GAREM1: variants seen among roughly 807,000 people sequenced by gnomAD.
GAREM1 encodes GRB2-associated and regulator of MAPK protein 1.
A neutral mutation model predicts 71.3 loss-of-function variants in GAREM1; 26 were observed. The ratio of observed to expected loss-of-function variants is 0.36; its 90% CI spans 0.27 to 0.51. The LOEUF is 0.51. Among genes scored for constraint, GAREM1 ranks in the 20% least tolerant of loss-of-function variants. The probability of loss-of-function intolerance (pLI) is 0.95; values close to 1 mark genes in which losing one functional copy is unlikely to be tolerated. For synonymous variants in GAREM1, 440 were observed against 433.2 expected, an observed-to-expected ratio of 1.02 and a Z score of -0.20; for missense variants, 1,026 against 1,103.1, an observed-to-expected ratio of 0.93 and a Z score of 0.99.
intron 2 of GAREM1, among the ~76,000 whole-genome samples, chr18:32,349,627 A>C (rs1598980702): frequency 6.6e-6 from 1 of 152,374 alleles, no homozygotes; most frequent in Non-Finnish European, 1.5e-5. Context: ...GATATAAAAT[A>C]AATACTTGCT....
intron 2 of GAREM1, among the ~76,000 whole-genome samples, chr18:32,318,510 G>A (rs565586908): frequency 3.3e-5 from 5 of 152,188 alleles, no homozygotes; most frequent in Admixed American, 1.3e-4. Context: ...CAACAATGCC[G>A]AGATATGAAG....
chr18:32,449,247 T>C (rs567033824), intron 1 of GAREM1, among the ~76,000 whole-genome samples: 2 of 152,322 alleles, frequency 1.3e-5, no homozygotes, highest in East Asian at 3.9e-4. Flanking sequence ...ATAATTATTA[T>C]ACAGAAATAA....
intron 2 of GAREM1, among the ~76,000 whole-genome samples, chr18:32,379,220 G>A (rs2048069265): frequency 6.6e-6 from 1 of 152,094 alleles, no homozygotes; most frequent in African/African-American, 2.4e-5. Context: ...ACTATTATGT[G>A]TCTTAACTGC....
intron 2 of GAREM1, among the ~76,000 whole-genome samples, chr18:32,368,661 T>G (rs937409190): frequency 6.6e-6 from 1 of 152,224 alleles, no homozygotes; most frequent in African/African-American, 2.4e-5. Context: ...GCAAAATTAT[T>G]AATTTTAATG....
At chr18:32,270,144 A>G (rs2041436066) in intron 5 of GAREM1, 73 bp downstream of exon 5, 3 of 1,490,904 alleles carry the variant, frequency 2.0e-6, no homozygotes, top group Middle Eastern at 1.7e-4. Flanking sequence ...GCTACCGTGA[A>G]AATGCTTTCA....
At chr18:32,422,648 T>A (rs1443381820) in intron 1 of GAREM1, among the ~76,000 whole-genome samples, 1 of 152,202 alleles carries the variant, frequency 6.6e-6, no homozygotes, top group African/African-American at 2.4e-5. Flanking sequence ...GAAGAAAGGT[T>A]TTCTTTATCA....
At chr18:32,394,696 G>C (rs576912624) in intron 1 of GAREM1, among the ~76,000 whole-genome samples, 31 of 152,218 alleles carry the variant, frequency 2.0e-4, no homozygotes, top group Non-Finnish European at 4.1e-4. Flanking sequence ...AACCACCTTA[G>C]GGCAGGAAGG....
intron 2 of GAREM1, among the ~76,000 whole-genome samples, chr18:32,384,067 T>A (rs933118566): frequency 6.6e-5 from 10 of 152,226 alleles, no homozygotes; most frequent in African/African-American, 1.9e-4. Context: ...ATAATTTTTT[T>A]AAAAGTTCCT....
chr18:32,280,193 T>A (rs1399742889), intron 4 of GAREM1, among the ~76,000 whole-genome samples: 1 of 152,172 alleles, frequency 6.6e-6, no homozygotes, highest in African/African-American at 2.4e-5. Flanking sequence ...ATTAATATTT[T>A]ACAGAGAGAA....
intron 2 of GAREM1, among the ~76,000 whole-genome samples, chr18:32,363,335 A>G (rs1196111910): frequency 1.3e-5 from 2 of 152,218 alleles, no homozygotes; most frequent in East Asian, 3.8e-4. Flanking sequence ...ATTCCTTTGC[A>G]AATGTAAATG....
At chr18:32,318,879 G>A (rs1029467413) in intron 2 of GAREM1, among the ~76,000 whole-genome samples, 2 of 152,154 alleles carry the variant, frequency 1.3e-5, no homozygotes, top group Non-Finnish European at 2.9e-5. Context: ...AGCCCAAAAT[G>A]TTAAAGTAGA....
At chr18:32,358,954 G>T (rs1193175722) in intron 2 of GAREM1, among the ~76,000 whole-genome samples, 1 of 152,164 alleles carries the variant, frequency 6.6e-6, no homozygotes, top group African/African-American at 2.4e-5. Context: ...ACCAAGTGCT[G>T]GGTCCTGTTC....
chr18:32,298,598 C>T (rs1404498181), intron 3 of GAREM1, among the ~76,000 whole-genome samples: 2 of 152,082 alleles, frequency 1.3e-5, no homozygotes, highest in Non-Finnish European at 2.9e-5. Context: ...AGAATTAATA[C>T]CCCATGGTCA....
At chr18:32,333,783 AT>A (rs1034804910) in intron 2 of GAREM1, among the ~76,000 whole-genome samples, 3 of 151,740 alleles carry the variant, frequency 2.0e-5, no homozygotes, top group Non-Finnish European at 4.4e-5. Context: ...TGCATTTGGT[AT>A]TTTTTTTCCT....
chr18:32,468,960 T>TTCCCCCCCCCCC (rs2049023776), intron 1 of GAREM1, among the ~76,000 whole-genome samples: 2 of 82,164 alleles, frequency 2.4e-5, no homozygotes, highest in African/African-American at 9.8e-5. Context: ...CACCTGTGCG[T>TTCCCCCCCCCCC]CCCCCCCCCC....
chr18:32,435,329 G>A (rs1052215513), intron 1 of GAREM1, among the ~76,000 whole-genome samples: 4 of 152,046 alleles, frequency 2.6e-5, no homozygotes, highest in African/African-American at 2.4e-5. Context: ...ACTAATGAAC[G>A]AATGCTAATC....
chr18:32,265,608 G>C lies in GAREM1; in HGVS notation c.*2263C>G, dbSNP rs1377003165. ...CAGTCCCTGCCCTCAAGGAGTCTCT[G>C]CGTTGCCAATCAATATAAACTTGAC... On this transcript the variant is annotated 3_prime_UTR_variant, in exon 6 of 6. Transcript: ENST00000269209. 1 of 152,114 alleles carries C rather than the reference G, an allele frequency of 6.6e-6. No individual in the cohort carries two copies. Among genetic ancestry groups the C allele is most frequent in the Non-Finnish European group, 1.5e-5 (1 of 68,030 alleles). The allele number at this position is 152,114 out of a possible 1,614,324, so 9.4% of individuals were successfully genotyped here.
chr18:32,283,917 A>G (rs908690761), intron 4 of GAREM1, among the ~76,000 whole-genome samples: 4 of 152,202 alleles, frequency 2.6e-5, no homozygotes, highest in Non-Finnish European at 5.9e-5. Context: ...TCACCTTCCC[A>G]GCTAATATCT....
intron 1 of GAREM1, among the ~76,000 whole-genome samples, chr18:32,420,184 T>C (rs965516331): frequency 2.6e-5 from 4 of 152,200 alleles, no homozygotes; most frequent in African/African-American, 9.6e-5. Flanking sequence ...ATAATTATCA[T>C]AGCTTTAAAT....
Sources: allele counts gnomAD v4.1 joint callset (sites outside exome capture counted in the v4.1 genomes callset), GRCh38; gene constraint gnomAD v4.1.1; transcripts MANE v1.5; gene names NCBI Gene and HGNC (gene_info 2026-07-23, HGNC 2026-07-21).